Variants in ATP2C2 observed in about 807,000 individuals in gnomAD.
ATP2C2 encodes the protein ATPase secretory pathway Ca2+ transporting 2, also known as calcium-transporting ATPase type 2C member 2.
ATP2C2 carries 171 observed loss-of-function variants against 110.8 expected under a neutral mutation model. The observed-to-expected ratio is 1.54, with a 90% CI of 1.36 to 1.75. The LOEUF is 1.75. Among genes scored for constraint, ATP2C2 ranks in the 40% most tolerant of loss-of-function variants. The probability of loss-of-function intolerance (pLI) is 0.00; values close to 1 mark genes in which losing one functional copy is unlikely to be tolerated. For synonymous variants in ATP2C2, 804 were observed against 508.4 expected (o/e 1.58, Z -7.82); for missense variants, 1,963 against 1,235.0 (o/e 1.59, Z -8.84).
intron 11 of ATP2C2, among the ~76,000 whole-genome samples, chr16:84,426,851 G>A (rs908798964): frequency 1.3e-5 from 2 of 152,156 alleles, no homozygotes; most frequent in Non-Finnish European, 2.9e-5. Context: ...GAGGGGACCC[G>A]CCCTTCTTCT....
intron 15 of ATP2C2, among the ~76,000 whole-genome samples, chr16:84,445,239 C>T (rs557179306): frequency 2.7e-5 from 4 of 149,380 alleles, no homozygotes; most frequent in East Asian, 2.0e-4. Flanking sequence ...GACGGAGTCT[C>T]GCTCTGTTGC....
At chr16:84,398,403 C>T in intron 1 of ATP2C2, 96 bp from the exon 2 acceptor site, 4 of 691,102 alleles carry the variant, frequency 5.8e-6, no homozygotes, top group Non-Finnish European at 6.2e-6. Context: ...GAGACTCCAT[C>T]TCAAAAAAAT....
chr16:84,414,488 G>T (rs13335444), intron 6 of ATP2C2, among the ~76,000 whole-genome samples: 12 of 151,822 alleles, frequency 7.9e-5, no homozygotes, highest in Admixed American at 3.3e-4. Flanking sequence ...GTGCACGCGC[G>T]TGTACAGTAA....
chr16:84,444,956 G>A (rs1169155375), intron 15 of ATP2C2, among the ~76,000 whole-genome samples: 1 of 152,144 alleles, frequency 6.6e-6, no homozygotes, highest in Non-Finnish European at 1.5e-5. Flanking sequence ...CTGGATTAGG[G>A]TCTTGGGGTT....
At chr16:84,419,401 C>A (rs1907127445) in intron 7 of ATP2C2, among the ~76,000 whole-genome samples, 3 of 152,052 alleles carry the variant, frequency 2.0e-5, no homozygotes, top group Non-Finnish European at 4.4e-5. Flanking sequence ...TCCAACCCTC[C>A]GTCCTCCCCT....
chr16:84,432,355 T>A (rs937169516), intron 11 of ATP2C2, among the ~76,000 whole-genome samples: 1 of 152,070 alleles, frequency 6.6e-6, no homozygotes, highest in African/African-American at 2.4e-5. Context: ...GCCATGGTGG[T>A]TTGCTGCACC....
chr16:84,373,514 A>AACG (rs1035669804), intron 1 of ATP2C2, among the ~76,000 whole-genome samples: 21 of 151,956 alleles, frequency 1.4e-4, no homozygotes, highest in African/African-American at 4.6e-4. Flanking sequence ...CAACAACAAC[A>AACG]AAAAAAGAGA....
chr16:84,398,662 A>C, intron 2 of ATP2C2, 53 bp downstream of exon 2: 1 of 1,436,978 alleles, frequency 7.0e-7, no homozygotes, highest in Non-Finnish European at 9.6e-7. Flanking sequence ...TTATGTTTAA[A>C]AGAAAGCAAC....
At chr16:84,463,539 G>C (rs1911608156) in intron 26 of ATP2C2, 75 bp from the exon 27 acceptor site, 1 of 1,250,580 alleles carries the variant, frequency 8.0e-7, no homozygotes, top group Admixed American at 1.7e-5. Context: ...AGGAGGACTG[G>C]CAGGGAAGGC....
chr16:84,431,658 TG>T (rs773850756), intron 11 of ATP2C2, among the ~76,000 whole-genome samples: 7 of 151,364 alleles, frequency 4.6e-5, no homozygotes, highest in East Asian at 3.9e-4. Context: ...GAGGGTCACT[TG>T]GGGGGGACCA....
At chr16:84,430,225 G>T (rs140186093) in intron 11 of ATP2C2, among the ~76,000 whole-genome samples, 19 of 152,194 alleles carry the variant, frequency 1.2e-4, no homozygotes, top group Non-Finnish European at 2.5e-4. Context: ...CCGGGAGAAG[G>T]GGGTGGATGG....
intron 4 of ATP2C2, 76 bp downstream of exon 4, chr16:84,408,570 A>C: frequency 8.6e-7 from 1 of 1,168,640 alleles, no homozygotes; most frequent in Middle Eastern, 2.0e-4. Context: ...TATTGTATAT[A>C]AAGAAAAAAA....
At chr16:84,431,650 G>C (rs1908290359) in intron 11 of ATP2C2, among the ~76,000 whole-genome samples, 1 of 152,006 alleles carries the variant, frequency 6.6e-6, no homozygotes, top group South Asian at 2.1e-4. Flanking sequence ...ACATATCCGA[G>C]GGTCACTTGG....
Position 84,453,194 on chromosome 16 carries a change from G to A in ATP2C2, c.1888G>A (p.Asp630Asn), listed in dbSNP as rs1036124521. The A allele has an allele frequency of 6.2e-7, 1 of 1,614,000 alleles. No homozygotes were observed. The highest frequency in any genetic ancestry group is 8.5e-7 in the Non-Finnish European group (1 of 1,179,924). Residue 630 changes from aspartate to asparagine, a missense_variant, in exon 19 of 27, where the codon GAC (aspartate) becomes AAC (asparagine). Physicochemically the swap from Asp to Asn is conservative, Grantham distance 23. Coordinates refer to ENST00000262429, the MANE Select transcript of ATP2C2 (RefSeq NM_014861.4). ...KLQAMSGEEVDSVEKGELADR... is the reference protein window; with the variant it reads ...KLQAMSGEEVNSVEKGELADR... ...GCAAGCCATGTCCGGGGAGGAGGTG[G>A]ACAGCGTGGAGAAGGGCGAGCTGGC...
intron 14 of ATP2C2, among the ~76,000 whole-genome samples, 191 bp from the exon 15 acceptor site, chr16:84,442,319 T>C (rs1422319175): frequency 6.6e-6 from 1 of 152,140 alleles, no homozygotes; most frequent in East Asian, 1.9e-4. Flanking sequence ...ATGATAACTT[T>C]ATGGGAACCA....
At chr16:84,388,273 C>T (rs896070813) in intron 1 of ATP2C2, among the ~76,000 whole-genome samples, 4 of 151,942 alleles carry the variant, frequency 2.6e-5, no homozygotes, top group South Asian at 2.1e-4. Context: ...TGCAGTGAGC[C>T]GAGATCACGC....
In ATP2C2 at chr16:84,422,401, C is replaced by A. The variant is rs754440299; in HGVS notation, c.636C>A (p.Leu212=). The A allele has an allele frequency of 1.2e-6, 2 of 1,614,052 alleles. No homozygotes were observed. The highest frequency in any genetic ancestry group is 2.2e-5 in the South Asian group (2 of 91,068). The change falls in exon 8 of 27, where the codon CTC becomes CTA. Residue 212 remains leucine (L), a synonymous_variant. Transcript: ENST00000262429. ...ADIRLTEVTD[L]LVDESSFTGE... Reference sequence around the variant, plus strand: ...CCTTGCTCTCCTAGGTCACGGACCTCTTGGTGGATGAATCCAGTTTCACCG... The same window carrying A: ...CCTTGCTCTCCTAGGTCACGGACCTATTGGTGGATGAATCCAGTTTCACCG...
chr16:84,442,023 C>T (rs1288942190), intron 14 of ATP2C2, among the ~76,000 whole-genome samples: 2 of 152,098 alleles, frequency 1.3e-5, no homozygotes, highest in Non-Finnish European at 2.9e-5. Context: ...CCAGGCTCAC[C>T]AGGCCGGGAA....
chr16:84,459,915 G>A (rs982675573), intron 23 of ATP2C2: 6 of 282,794 alleles, frequency 2.1e-5, no homozygotes, highest in Non-Finnish European at 4.2e-5. Context: ...CACCCGCTCC[G>A]CCACTTAATA....
Sources: gnomAD v4.1 joint callset for allele counts (sites outside exome capture counted in the v4.1 genomes callset) on GRCh38, gnomAD v4.1.1 for gene constraint, MANE v1.5 for transcripts, NCBI Gene and HGNC (gene_info 2026-07-23, HGNC 2026-07-21) for gene names.